The following UNC13C variants were observed in gnomAD, a reference collection of about 807,000 sequenced individuals.
UNC13C encodes the protein unc-13 homolog C, also known as protein unc-13 homolog C.
In UNC13C, 174 loss-of-function variants were observed where a neutral mutation model predicts 245.4. That is an observed-to-expected ratio of 0.71 (90% confidence interval 0.63 to 0.80). The LOEUF (loss-of-function observed/expected upper bound fraction) is 0.80, where lower values mean the gene tolerates loss of function less well. Among genes scored for constraint, UNC13C ranks in the 30% least tolerant of loss-of-function variants. The pLI, the probability that UNC13C is intolerant of heterozygous loss-of-function variation, is 0.00. For missense variants in UNC13C, 2,829 were observed against 2,602.9 expected (o/e 1.09, Z -1.89); for synonymous variants, 992 against 895.1 (o/e 1.11, Z -1.93).
intron 1 of UNC13C, among the ~76,000 whole-genome samples, chr15:53,991,788 C>T (rs571332761): frequency 6.6e-6 from 1 of 152,124 alleles, no homozygotes; most frequent in South Asian, 2.1e-4. Flanking sequence ...TACCTAACCT[C>T]AATTGTTTTT....
intron 19 of UNC13C, among the ~76,000 whole-genome samples, chr15:54,455,024 T>A (rs1013280936): frequency 6.6e-6 from 1 of 151,300 alleles, no homozygotes. Context: ...TTACCATAGC[T>A]TACCTCCCAC....
intron 4 of UNC13C, among the ~76,000 whole-genome samples, chr15:54,226,215 T>A (rs2035377673): frequency 6.6e-6 from 1 of 152,212 alleles, no homozygotes; most frequent in Non-Finnish European, 1.5e-5. Context: ...AGCATTTTAT[T>A]GAGGATTTTT....
Position 54,482,391 on chromosome 15 carries a change from C to T in UNC13C, c.4934-12217C>T, listed in dbSNP as rs1223109925. Among the ~76,000 whole-genome samples the T allele has an allele frequency of 1.1e-4, 17 of 152,112 alleles. 1 individual carries two copies. Among genetic ancestry groups the T allele is most frequent in the Admixed American group, 1.0e-3 (16 of 15,270 alleles). ...TTGAATTAATCCAATCAAGTGAACT[C>T]GCAGCAGCTCCTATTCCAGTCTCAG... is the stretch of plus-strand genomic sequence containing the variant. On this transcript the variant is annotated intron_variant, in intron 19 of 32. Coordinates refer to ENST00000260323, the MANE Select transcript of UNC13C (RefSeq NM_001080534.3).
the UNC13C span, among the ~76,000 whole-genome samples, chr15:53,868,729 G>A: frequency 6.6e-6 from 1 of 152,148 alleles, no homozygotes; most frequent in East Asian, 1.9e-4. Flanking sequence ...TTTAAGAAAA[G>A]AATAAGTTAA....
At chr15:54,143,527 A>G in intron 3 of UNC13C, 93 bp from the exon 4 acceptor site, 1 of 896,330 alleles carries the variant, frequency 1.1e-6, no homozygotes, top group Non-Finnish European at 1.8e-6. Context: ...TTACGTGTGT[A>G]GTGCAGCTGA....
At chr15:54,554,395 G>GT (rs1342156426) in intron 28 of UNC13C, among the ~76,000 whole-genome samples, 1 of 151,994 alleles carries the variant, frequency 6.6e-6, no homozygotes, top group Non-Finnish European at 1.5e-5. Flanking sequence ...TTGAGCCCAT[G>GT]TTCCACTTGC....
At chr15:54,111,270 A>G (rs1249692805) in intron 2 of UNC13C, among the ~76,000 whole-genome samples, 2 of 152,208 alleles carry the variant, frequency 1.3e-5, no homozygotes, top group East Asian at 1.9e-4. Context: ...TAAACATCAA[A>G]TCATTTAAAC....
chr15:54,356,924 A>AT (rs1220546115), intron 17 of UNC13C, among the ~76,000 whole-genome samples: 2 of 152,012 alleles, frequency 1.3e-5, no homozygotes, highest in African/African-American at 4.8e-5. Context: ...AGTTTTCTTC[A>AT]TTTTTTATTG....
intron 2 of UNC13C, among the ~76,000 whole-genome samples, chr15:54,082,882 C>G (rs1899029957): frequency 6.6e-6 from 1 of 152,102 alleles, no homozygotes; most frequent in Non-Finnish European, 1.5e-5. Flanking sequence ...TGTGTGATAG[C>G]TTTCTAAGAT....
intron 4 of UNC13C, among the ~76,000 whole-genome samples, chr15:54,180,003 AC>A (rs1239382453): frequency 2.0e-5 from 3 of 152,052 alleles, no homozygotes; most frequent in Admixed American, 6.6e-5. Flanking sequence ...TAAAATAAAA[AC>A]TAGAATTTTA....
At chr15:54,017,949 A>G (rs1895734609) in intron 2 of UNC13C, among the ~76,000 whole-genome samples, 1 of 152,166 alleles carries the variant, frequency 6.6e-6, no homozygotes. Context: ...CATCTGTCCT[A>G]GAGGAAATCA....
intron 17 of UNC13C, among the ~76,000 whole-genome samples, chr15:54,349,279 T>A (rs2038928330): frequency 1.3e-5 from 2 of 151,524 alleles, no homozygotes; most frequent in South Asian, 4.2e-4. Context: ...GTCTTATGTA[T>A]TTTAAAGAAG....
chr15:54,245,397 C>A (rs2035965093), intron 7 of UNC13C, among the ~76,000 whole-genome samples: 1 of 152,022 alleles, frequency 6.6e-6, no homozygotes, highest in Non-Finnish European at 1.5e-5. Flanking sequence ...TTTCTTAGGA[C>A]AATGTTAATT....
At chr15:54,394,121 G>A (rs548243842) in intron 18 of UNC13C, among the ~76,000 whole-genome samples, 4 of 151,960 alleles carry the variant, frequency 2.6e-5, no homozygotes, top group African/African-American at 4.8e-5. Flanking sequence ...GGTCAAGACC[G>A]TTAGGGTCAT....
At chr15:54,098,933 C>A (rs111400453) in intron 2 of UNC13C, among the ~76,000 whole-genome samples, 2 of 152,296 alleles carry the variant, frequency 1.3e-5, no homozygotes, top group Non-Finnish European at 1.5e-5. Flanking sequence ...GAAAGTCTGA[C>A]CACAACTGCC....
chr15:54,257,471 G>A (rs1034705955), intron 8 of UNC13C, among the ~76,000 whole-genome samples: 1 of 152,178 alleles, frequency 6.6e-6, no homozygotes, highest in Non-Finnish European at 1.5e-5. Flanking sequence ...CCAATAATGA[G>A]ATGATTGAAT....
At chr15:54,533,865 G>A (rs6493687) in intron 26 of UNC13C, among the ~76,000 whole-genome samples, 2 of 151,876 alleles carry the variant, frequency 1.3e-5, no homozygotes, top group African/African-American at 2.4e-5. Context: ...ACATGATTTC[G>A]TAAACAGTGA....
At chr15:54,586,560 T>G (rs1469756609) in intron 30 of UNC13C, among the ~76,000 whole-genome samples, 1 of 152,236 alleles carries the variant, frequency 6.6e-6, no homozygotes, top group African/African-American at 2.4e-5. Context: ...AATTAACTTT[T>G]TAAAGGCCCT....
At chr15:54,101,728 G>C (rs550974158) in intron 2 of UNC13C, among the ~76,000 whole-genome samples, 1 of 152,034 alleles carries the variant, frequency 6.6e-6, no homozygotes, top group East Asian at 1.9e-4. Context: ...TTACAGGCAA[G>C]GCACGCACCA....
Sources: gnomAD v4.1 joint callset for allele counts (sites outside exome capture counted in the v4.1 genomes callset) on GRCh38, gnomAD v4.1.1 for gene constraint, MANE v1.5 for transcripts, NCBI Gene and HGNC (gene_info 2026-07-23, HGNC 2026-07-21) for gene names.